SYN3: variants seen among roughly 807,000 people sequenced by gnomAD.
The protein encoded by SYN3 is synapsin III.
In SYN3, 35 loss-of-function variants were observed where a neutral mutation model predicts 65.8. That is an observed-to-expected ratio of 0.53 (90% CI 0.41 to 0.70). The LOEUF (loss-of-function observed/expected upper bound fraction) is 0.70, where lower values mean the gene tolerates loss of function less well. Among genes scored for constraint, SYN3 ranks in the 30% least tolerant of loss-of-function variants. The probability of loss-of-function intolerance (pLI) is 0.00; values close to 1 mark genes in which losing one functional copy is unlikely to be tolerated. For synonymous variants in SYN3, 270 were observed against 292.9 expected (o/e 0.92, Z 0.80); for missense variants, 680 against 749.0 (o/e 0.91, Z 1.08).
chr22:33,023,830 A>G (rs2053597195), intron 1 of SYN3, among the ~76,000 whole-genome samples: 1 of 152,210 alleles, frequency 6.6e-6, no homozygotes, highest in Non-Finnish European at 1.5e-5. Flanking sequence ...GAACCCTTCA[A>G]AATAAATTTC....
intron 6 of SYN3, among the ~76,000 whole-genome samples, chr22:32,755,827 G>A (rs1469589863): frequency 1.3e-5 from 2 of 151,896 alleles, no homozygotes; most frequent in African/African-American, 4.8e-5. Flanking sequence ...GTGAACCTAC[G>A]TACACAATTT....
At chr22:32,561,268 C>T (rs560606241) in intron 7 of SYN3, among the ~76,000 whole-genome samples, 6 of 152,264 alleles carry the variant, frequency 3.9e-5, no homozygotes, top group Non-Finnish European at 8.8e-5. Flanking sequence ...ACAGACAGAG[C>T]CTAGGGCATC....
intron 4 of SYN3, among the ~76,000 whole-genome samples, chr22:32,883,605 G>C (rs1308185931): frequency 6.6e-6 from 1 of 152,226 alleles, no homozygotes; most frequent in Non-Finnish European, 1.5e-5. Context: ...GCCCACCTGG[G>C]TTTGGAGATT....
chr22:32,513,484 C>T lies in SYN3; in HGVS notation c.*208G>A, dbSNP rs1414890669. ...GAGGAACCTGGAGGCTCTCAAAGGC[C>T]CACCTCACAGTCAGACAATGCTGGA... is the stretch of plus-strand genomic sequence containing the variant. On this transcript the variant is annotated 3_prime_UTR_variant, in exon 14 of 14. Coordinates refer to ENST00000358763, the MANE Select transcript of SYN3 (RefSeq NM_003490.4). The T allele has an allele frequency of 1.3e-5, 8 of 618,614 alleles. No homozygotes were observed. The highest frequency in any genetic ancestry group is 2.0e-5 in the Non-Finnish European group (8 of 391,014). The allele number at this position is 618,614 out of a possible 1,614,324, so 38.3% of individuals were successfully genotyped here.
intron 1 of SYN3, among the ~76,000 whole-genome samples, chr22:33,014,222 T>G (rs2145835894): frequency 6.6e-6 from 1 of 152,198 alleles, no homozygotes; most frequent in Non-Finnish European, 1.5e-5. Context: ...AGCTTCCCCC[T>G]CCTTTTAAGG....
chr22:32,936,221 C>G (rs1284559010), intron 3 of SYN3, among the ~76,000 whole-genome samples: 1 of 152,130 alleles, frequency 6.6e-6, no homozygotes, highest in Admixed American at 6.5e-5. Flanking sequence ...AACAATAAAG[C>G]CAGACAAACT....
At chr22:32,965,814 C>T (rs1601803927) in intron 3 of SYN3, among the ~76,000 whole-genome samples, 2 of 152,232 alleles carry the variant, frequency 1.3e-5, no homozygotes, top group South Asian at 2.1e-4. Flanking sequence ...CCTGCCTCAG[C>T]CTCCCGAGTA....
chr22:33,015,241 A>AT, intron 1 of SYN3: 1 of 446,062 alleles, frequency 2.2e-6, no homozygotes, highest in Non-Finnish European at 3.5e-6. Flanking sequence ...AAAAAAAAAA[A>AT]ACTACTGTAT....
At chr22:32,806,917 T>C (rs2046756711) in intron 6 of SYN3, among the ~76,000 whole-genome samples, 1 of 152,124 alleles carries the variant, frequency 6.6e-6, no homozygotes, top group Admixed American at 6.6e-5. Flanking sequence ...CCATAGCAAA[T>C]TTATAGTAGT....
chr22:32,956,239 TC>T (rs1242879113), intron 3 of SYN3, among the ~76,000 whole-genome samples: 1 of 148,550 alleles, frequency 6.7e-6, no homozygotes, highest in African/African-American at 2.5e-5. Flanking sequence ...CACTGCAACC[TC>T]CACCTCCTGG....
intron 6 of SYN3, among the ~76,000 whole-genome samples, chr22:32,720,095 C>T (rs1048974327): frequency 6.6e-6 from 1 of 152,096 alleles, no homozygotes; most frequent in Non-Finnish European, 1.5e-5. Flanking sequence ...CAGTTTAAGC[C>T]CTGGTTTCAG....
At chr22:32,743,280 T>C (rs537246976) in intron 6 of SYN3, among the ~76,000 whole-genome samples, 1 of 152,302 alleles carries the variant, frequency 6.6e-6, no homozygotes, top group African/African-American at 2.4e-5. Flanking sequence ...TGATGCCTAG[T>C]ATCCCAGCTC....
At chr22:32,952,293 T>TGGG (rs1208206533) in intron 3 of SYN3, among the ~76,000 whole-genome samples, 1 of 143,528 alleles carries the variant, frequency 7.0e-6, no homozygotes, top group African/African-American at 2.7e-5. Context: ...AATGTGTGTG[T>TGGG]GGGGGGGTGT....
chr22:32,725,978 G>A (rs1232407872), intron 6 of SYN3, among the ~76,000 whole-genome samples: 33 of 152,116 alleles, frequency 2.2e-4, no homozygotes. Flanking sequence ...GGCCCTGCTT[G>A]CTCTGGCTCC....
chr22:32,826,213 G>C (rs1470640967), intron 6 of SYN3, among the ~76,000 whole-genome samples: 1 of 152,164 alleles, frequency 6.6e-6, no homozygotes, highest in Non-Finnish European at 1.5e-5. Flanking sequence ...AGCATCACTT[G>C]AGGTCAGGAG....
At chr22:33,038,055 G>C (rs1423083558) in intron 1 of SYN3, among the ~76,000 whole-genome samples, 1 of 151,974 alleles carries the variant, frequency 6.6e-6, no homozygotes, top group East Asian at 1.9e-4. Context: ...AAAAGAACTA[G>C]ATTAAAAGAA....
intron 6 of SYN3, among the ~76,000 whole-genome samples, chr22:32,703,947 T>C (rs1041395550): frequency 2.0e-5 from 3 of 152,224 alleles, no homozygotes; most frequent in African/African-American, 7.2e-5. Context: ...ACAACTTATG[T>C]ACCTAAAATA....
chr22:32,719,212 T>C (rs1033740449), intron 6 of SYN3, among the ~76,000 whole-genome samples: 2 of 152,236 alleles, frequency 1.3e-5, no homozygotes, highest in African/African-American at 4.8e-5. Flanking sequence ...AGAATAGGAC[T>C]TCACCAACGG....
intron 6 of SYN3, among the ~76,000 whole-genome samples, chr22:32,599,453 C>T (rs1413987513): frequency 1.3e-5 from 2 of 152,022 alleles, no homozygotes; most frequent in Admixed American, 1.3e-4. Flanking sequence ...TCCCGAGTAG[C>T]TGGGACTACA....
Sources: gnomAD v4.1 joint callset for allele counts (sites outside exome capture counted in the v4.1 genomes callset) on GRCh38, gnomAD v4.1.1 for gene constraint, MANE v1.5 for transcripts, NCBI Gene and HGNC (gene_info 2026-07-23, HGNC 2026-07-21) for gene names.